The following SLC14A2 variants were observed in gnomAD, a reference collection of about 807,000 sequenced individuals.
The protein encoded by SLC14A2 is urea transporter 2.
SLC14A2 carries 91 observed loss-of-function variants against 104.6 expected under a neutral mutation model. That is an observed-to-expected ratio of 0.87 (90% CI 0.73 to 1.04). SLC14A2 has a LOEUF of 1.04. Ranked by LOEUF, SLC14A2 falls within the 50% of genes least tolerant of loss-of-function variation. The probability of loss-of-function intolerance (pLI) is 0.00; values close to 1 mark genes in which losing one functional copy is unlikely to be tolerated. For missense variants in SLC14A2, 1,189 were observed against 1,156.0 expected (o/e 1.03, Z -0.41); for synonymous variants, 476 against 466.4 (o/e 1.02, Z -0.27).
At chr18:45,666,289 T>G (rs2046022775) in intron 12 of SLC14A2, 70 bp downstream of exon 12, 1 of 1,040,984 alleles carries the variant, frequency 9.6e-7, no homozygotes, top group African/African-American at 1.6e-5. Context: ...ATGAGGGAGC[T>G]GAGAGCTGTA....
upstream of SLC14A2, among the ~76,000 whole-genome samples, chr18:45,612,613 C>T (rs1456502665): frequency 6.6e-6 from 1 of 152,252 alleles, no homozygotes; most frequent in Non-Finnish European, 1.5e-5. Flanking sequence ...GTCCTCACCT[C>T]ACAGATGGGA....
chr18:45,644,039 G>C lies in SLC14A2; in HGVS notation c.1230G>C (p.Leu410=), dbSNP rs1338975245. 1 of 1,614,014 alleles carries C rather than the reference G, an allele frequency of 6.2e-7. No individual in the cohort carries two copies. The highest frequency in any genetic ancestry group is 1.3e-5 in the African/African-American group (1 of 74,922). The change falls in exon 10 of 20, where the codon CTG becomes CTC. Residue 410 remains leucine (L), a synonymous_variant. Transcript: ENST00000255226. ...WAFCLATIIF[L]LLTTNNPAIF... ...TCTGCCTTGCCACCATCATCTTCCT[G>C]CTCCTGACGACAAACAACCCAGCCA...
intron 2 of SLC14A2, among the ~76,000 whole-genome samples, chr18:45,590,528 A>G (rs995699331): frequency 3.3e-5 from 5 of 152,192 alleles, no homozygotes; most frequent in African/African-American, 1.2e-4. Context: ...GGACATGGGC[A>G]ATTGCAGGAG....
intron 1 of SLC14A2, among the ~76,000 whole-genome samples, chr18:45,303,269 G>C (rs1408628636): frequency 6.6e-6 from 1 of 152,200 alleles, no homozygotes; most frequent in Non-Finnish European, 1.5e-5. Context: ...TTTGAACATA[G>C]TTTGAACACT....
intron 10 of SLC14A2, among the ~76,000 whole-genome samples, chr18:45,657,535 G>T (rs1019277740): frequency 6.3e-5 from 9 of 143,998 alleles, no homozygotes; most frequent in Non-Finnish European, 1.1e-4. Context: ...AGGAAGGAAG[G>T]AAGGAAAGAA....
chr18:45,223,725 A>T (rs1457312233), intron 1 of SLC14A2, among the ~76,000 whole-genome samples: 1 of 152,046 alleles, frequency 6.6e-6, no homozygotes, highest in Non-Finnish European at 1.5e-5. Context: ...GGACTCTAAG[A>T]CTCAGCCAGC....
chr18:45,536,367 A>T (rs1457399286), intron 2 of SLC14A2, among the ~76,000 whole-genome samples: 4 of 152,244 alleles, frequency 2.6e-5, no homozygotes, highest in African/African-American at 9.6e-5. Context: ...GGAAGCTAGA[A>T]GTCTGAAATC....
At chr18:45,657,726 C>T (rs2045865555) in intron 10 of SLC14A2, among the ~76,000 whole-genome samples, 1 of 152,146 alleles carries the variant, frequency 6.6e-6, no homozygotes, top group Non-Finnish European at 1.5e-5. Context: ...CAAGTCATTC[C>T]ATTTCTTGTG....
chr18:45,487,055 CAA>C (rs2144716115), intron 2 of SLC14A2, among the ~76,000 whole-genome samples: 1 of 152,332 alleles, frequency 6.6e-6, no homozygotes, highest in East Asian at 1.9e-4. Context: ...TAAAGCAACA[CAA>C]ATTCATTGTT....
intron 1 of SLC14A2, among the ~76,000 whole-genome samples, chr18:45,242,982 C>T (rs1222973953): frequency 6.6e-6 from 1 of 152,150 alleles, no homozygotes; most frequent in South Asian, 2.1e-4. Context: ...ATAGCCATTC[C>T]TTTAGAGCTT....
intron 1 of SLC14A2, among the ~76,000 whole-genome samples, chr18:45,456,904 G>A (rs1017079527): frequency 1.7e-4 from 26 of 152,054 alleles, no homozygotes; most frequent in African/African-American, 6.3e-4. Context: ...TGGGCAGTAG[G>A]GTTGGGAAGC....
At chr18:45,642,133 A>G (rs563378065) in intron 8 of SLC14A2, among the ~76,000 whole-genome samples, 23 of 152,328 alleles carry the variant, frequency 1.5e-4, no homozygotes, top group African/African-American at 3.4e-4. Flanking sequence ...CTCTCCTGGT[A>G]TTGTTCTCTG....
At chr18:45,484,677 G>T in intron 2 of SLC14A2, among the ~76,000 whole-genome samples, 1 of 152,164 alleles carries the variant, frequency 6.6e-6, no homozygotes, top group East Asian at 1.9e-4. Flanking sequence ...AGTGCTGGAA[G>T]TCAGCAGAAC....
chr18:45,449,120 AGC>A (rs1389840296), intron 1 of SLC14A2, among the ~76,000 whole-genome samples: 1 of 152,230 alleles, frequency 6.6e-6, no homozygotes, highest in African/African-American at 2.4e-5. Context: ...AAAGCCTCAA[AGC>A]CCATTCCAGG....
chr18:45,609,582 G>A (rs891374600), intron 2 of SLC14A2, among the ~76,000 whole-genome samples: 1 of 152,162 alleles, frequency 6.6e-6, no homozygotes, highest in Non-Finnish European at 1.5e-5. Flanking sequence ...AGCCTCCTAA[G>A]TTTGGTTCAC....
At chr18:45,212,566 AT>A (rs1008592919), upstream of SLC14A2, among the ~76,000 whole-genome samples, 1 of 152,154 alleles carries the variant, frequency 6.6e-6, no homozygotes, top group African/African-American at 2.4e-5. Context: ...ATCCTTATTT[AT>A]TGTAATAATG....
intron 2 of SLC14A2, among the ~76,000 whole-genome samples, chr18:45,598,026 CAG>C (rs1335167886): frequency 1.3e-5 from 2 of 152,068 alleles, no homozygotes; most frequent in Non-Finnish European, 2.9e-5. Context: ...CACACCCAAT[CAG>C]AGGTTCCCAA....
At chr18:45,379,290 T>C (rs1568174186) in intron 1 of SLC14A2, among the ~76,000 whole-genome samples, 2 of 152,242 alleles carry the variant, frequency 1.3e-5, no homozygotes, top group African/African-American at 4.8e-5. Context: ...GCAATTCCTA[T>C]ATTGGGCCAA....
intron 1 of SLC14A2, among the ~76,000 whole-genome samples, chr18:45,616,069 C>T (rs1229888587): frequency 5.3e-5 from 8 of 152,160 alleles, no homozygotes; most frequent in African/African-American, 1.9e-4. Context: ...CTGCCCAGAA[C>T]AGTGGCACAC....
Sources: gnomAD v4.1 joint callset for allele counts (sites outside exome capture counted in the v4.1 genomes callset) on GRCh38, gnomAD v4.1.1 for gene constraint, MANE v1.5 for transcripts, NCBI Gene and HGNC (gene_info 2026-07-23, HGNC 2026-07-21) for gene names.